Variants in NRG1 observed in about 807,000 individuals in gnomAD.
NRG1 encodes the protein neuregulin 1, also known as pro-neuregulin-1, membrane-bound isoform.
A neutral mutation model predicts 63.8 loss-of-function variants in NRG1; 18 were observed. The ratio of observed to expected loss-of-function variants is 0.28; its 90% CI spans 0.19 to 0.42. NRG1 has a LOEUF of 0.42. Ranked by LOEUF, NRG1 falls within the 10% of genes least tolerant of loss-of-function variation. The pLI is 1.00. For missense variants in NRG1, 762 were observed against 814.7 expected (o/e 0.94, Z 0.79); for synonymous variants, 302 against 301.3 (o/e 1.00, Z -0.02).
intron 1 of NRG1, among the ~76,000 whole-genome samples, chr8:32,278,647 T>C (rs1784778203): frequency 6.6e-6 from 1 of 152,220 alleles, no homozygotes; most frequent in Non-Finnish European, 1.5e-5. Context: ...GTCCTATGTA[T>C]GGACACATCA....
intron 1 of NRG1, among the ~76,000 whole-genome samples, chr8:32,237,286 TA>T (rs1281082141): frequency 6.6e-6 from 1 of 152,218 alleles, no homozygotes; most frequent in Non-Finnish European, 1.5e-5. Context: ...TCCTGCTAGA[TA>T]TATTTCGTGA....
At chr8:32,555,751 G>A (rs534893097) in intron 1 of NRG1, among the ~76,000 whole-genome samples, 5 of 152,322 alleles carry the variant, frequency 3.3e-5, no homozygotes, top group East Asian at 3.9e-4. Context: ...GATTACAGGC[G>A]TGAGCCACCG....
intron 1 of NRG1, among the ~76,000 whole-genome samples, chr8:32,412,988 C>T (rs1321910433): frequency 6.6e-6 from 1 of 152,100 alleles, no homozygotes; most frequent in African/African-American, 2.4e-5. Flanking sequence ...AAGTTCCTCG[C>T]CCAAAGCTAC....
At chr8:32,044,831 T>C (rs920061775) in intron 1 of NRG1, among the ~76,000 whole-genome samples, 2 of 148,576 alleles carry the variant, frequency 1.3e-5, no homozygotes, top group Non-Finnish European at 3.0e-5. Flanking sequence ...AAATTTATTA[T>C]GTAAAATGCT....
In NRG1 at chr8:32,437,370, A is replaced by G. The variant is rs1044631639; in HGVS notation, c.38-158458A>G. Among the ~76,000 whole-genome samples the G allele has an allele frequency of 4.6e-5, 7 of 152,150 alleles. No individual in the cohort carries two copies. In the South Asian group the frequency reaches 1.0e-3, roughly 23 times the overall value. Reference sequence around the variant, plus strand: ...ATTGCACTCACCACCTTATATTGTAAAAGTCTATTACTAAGGAAGTATTCC... The same window carrying G: ...ATTGCACTCACCACCTTATATTGTAGAAGTCTATTACTAAGGAAGTATTCC... On this transcript the variant is annotated intron_variant, in intron 1 of 10. Coordinates refer to the NRG1 transcript ENST00000519301.
chr8:32,650,814 T>A (rs1018711267), intron 5 of NRG1, among the ~76,000 whole-genome samples: 1 of 152,168 alleles, frequency 6.6e-6, no homozygotes, highest in African/African-American at 2.4e-5. Context: ...AATGACATTA[T>A]CATATGTGAA....
At chr8:32,548,120 G>A (rs553528952), upstream of NRG1, 4 of 738,044 alleles carry the variant, frequency 5.4e-6, no homozygotes, top group Non-Finnish European at 6.6e-6. Flanking sequence ...GGAGGAAAAG[G>A]GGCTGCGCCC....
At chr8:32,666,364 C>T (rs375761803) in intron 5 of NRG1, among the ~76,000 whole-genome samples, 7 of 152,198 alleles carry the variant, frequency 4.6e-5, no homozygotes, top group African/African-American at 1.7e-4. Context: ...TGGAACTGAA[C>T]CAATAACTGA....
chr8:32,688,078 C>T (rs1563948933), intron 5 of NRG1, among the ~76,000 whole-genome samples: 1 of 152,184 alleles, frequency 6.6e-6, no homozygotes, highest in East Asian at 1.9e-4. Flanking sequence ...ACTCCCTTAA[C>T]GTTCCAGCTA....
chr8:32,719,404 A>G (rs1299002560), intron 5 of NRG1, among the ~76,000 whole-genome samples: 1 of 151,896 alleles, frequency 6.6e-6, no homozygotes, highest in Non-Finnish European at 1.5e-5. Context: ...CATCCCAGTC[A>G]TTTCCCTTCT....
intron 1 of NRG1, among the ~76,000 whole-genome samples, chr8:32,286,501 G>A (rs1435864485): frequency 6.6e-6 from 1 of 152,220 alleles, no homozygotes; most frequent in Non-Finnish European, 1.5e-5. Context: ...ACAGTTATAG[G>A]TGGGGCTTAA....
intron 1 of NRG1, among the ~76,000 whole-genome samples, chr8:31,828,292 G>A (rs1205790281): frequency 6.6e-6 from 1 of 152,112 alleles, no homozygotes; most frequent in Non-Finnish European, 1.5e-5. Flanking sequence ...TAGTAGTTTG[G>A]GAAATAACTT....
intron 1 of NRG1, among the ~76,000 whole-genome samples, chr8:31,745,130 TAAGAG>T (rs1344526213): frequency 1.3e-5 from 2 of 151,982 alleles, no homozygotes; most frequent in African/African-American, 4.8e-5. Context: ...CAAGTAGAGT[TAAGAG>T]GAAGAGGTAG....
intron 5 of NRG1, among the ~76,000 whole-genome samples, chr8:32,702,108 T>C (rs1458657653): frequency 6.6e-6 from 1 of 152,212 alleles, no homozygotes. Flanking sequence ...TGAATTCTTT[T>C]TCCTGTTGTG....
chr8:31,716,420 G>A (rs571406911), intron 1 of NRG1, among the ~76,000 whole-genome samples: 2 of 152,124 alleles, frequency 1.3e-5, no homozygotes, highest in African/African-American at 2.4e-5. Flanking sequence ...CTTCAGAAGC[G>A]CATCTTTGTG....
chr8:32,450,110 A>C (rs979830042), intron 1 of NRG1, among the ~76,000 whole-genome samples: 1 of 152,236 alleles, frequency 6.6e-6, no homozygotes, highest in East Asian at 1.9e-4. Flanking sequence ...CGAAGATAGA[A>C]TCTTCAGGCC....
At chr8:31,836,497 T>C (rs1825700171) in intron 1 of NRG1, among the ~76,000 whole-genome samples, 1 of 152,140 alleles carries the variant, frequency 6.6e-6, no homozygotes, top group Non-Finnish European at 1.5e-5. Context: ...TTCAGATATA[T>C]TAAGTATTTA....
At chr8:32,371,742 C>A (rs1349604640) in intron 1 of NRG1, among the ~76,000 whole-genome samples, 1 of 152,098 alleles carries the variant, frequency 6.6e-6, no homozygotes, top group East Asian at 1.9e-4. Flanking sequence ...AATCATGAGA[C>A]AACATGAAGG....
intron 1 of NRG1, among the ~76,000 whole-genome samples, chr8:32,519,541 G>A (rs769518561): frequency 5.3e-5 from 8 of 151,932 alleles, no homozygotes; most frequent in South Asian, 4.2e-4. Flanking sequence ...AACATTTTCA[G>A]AGTTGGATAG....
Sources: allele counts gnomAD v4.1 joint callset (sites outside exome capture counted in the v4.1 genomes callset), GRCh38; gene constraint gnomAD v4.1.1; transcripts MANE v1.5; gene names NCBI Gene and HGNC (gene_info 2026-07-23, HGNC 2026-07-21).